The following ANKRD30A variants were observed in gnomAD, a reference collection of about 807,000 sequenced individuals.
ANKRD30A encodes the protein ankyrin repeat domain-containing protein 30A.
Under a neutral mutation model 166.3 loss-of-function variants are expected in ANKRD30A, and 170 were observed. That is an observed-to-expected ratio of 1.02 (90% confidence interval 0.90 to 1.16). ANKRD30A has a LOEUF of 1.16. Ranked by LOEUF, ANKRD30A falls within the 50% of genes most tolerant of loss-of-function variation. ANKRD30A has a pLI of 0.00. For synonymous variants in ANKRD30A, 564 were observed against 508.9 expected, an observed-to-expected ratio of 1.11 and a Z score of -1.46; for missense variants, 1,630 against 1,518.0, an observed-to-expected ratio of 1.07 and a Z score of -1.23.
chr10:37,260,419 G>A, the ANKRD30A span, among the ~76,000 whole-genome samples: 3 of 152,106 alleles, frequency 2.0e-5, no homozygotes, highest in African/African-American at 7.2e-5. Context: ...GTGGCCATAT[G>A]TCTTCCTGTT....
intron 16 of ANKRD30A, 30 bp downstream of exon 16, chr10:37,162,707 G>A (rs770253937): frequency 1.9e-6 from 3 of 1,612,952 alleles, no homozygotes; most frequent in Non-Finnish European, 2.5e-6. Flanking sequence ...CATTTTGAAT[G>A]ACTTATTATC....
intron 34 of ANKRD30A, among the ~76,000 whole-genome samples, chr10:37,229,737 G>A (rs1215032218): frequency 6.6e-6 from 1 of 151,720 alleles, no homozygotes; most frequent in East Asian, 1.9e-4. Flanking sequence ...TAATTATGCA[G>A]CTTATAATTA....
At chr10:37,196,533 C>G (rs868406710) in intron 27 of ANKRD30A, among the ~76,000 whole-genome samples, 3 of 151,878 alleles carry the variant, frequency 2.0e-5, no homozygotes, top group African/African-American at 4.8e-5. Context: ...ATTTATACTT[C>G]AAAAATAAGA....
chr10:37,150,833 A>T (rs1349491056), intron 11 of ANKRD30A, among the ~76,000 whole-genome samples: 1 of 152,144 alleles, frequency 6.6e-6, no homozygotes, highest in Non-Finnish European at 1.5e-5. Context: ...CTGATTTTTT[A>T]GGTATTAGAA....
At chr10:37,167,242 A>C (rs1323757644) in intron 19 of ANKRD30A, among the ~76,000 whole-genome samples, 1 of 148,116 alleles carries the variant, frequency 6.8e-6, no homozygotes. Flanking sequence ...GAATTGGACT[A>C]AACCTCAGTG....
chr10:37,256,529 C>G, the ANKRD30A span, among the ~76,000 whole-genome samples: 1 of 152,122 alleles, frequency 6.6e-6, no homozygotes, highest in African/African-American at 2.4e-5. Flanking sequence ...AAAGACAGAC[C>G]TTCTCTCTCC....
chr10:37,148,873 G>A (rs1837704077), intron 9 of ANKRD30A, among the ~76,000 whole-genome samples: 1 of 151,986 alleles, frequency 6.6e-6, no homozygotes, highest in South Asian at 2.1e-4. Context: ...CAGATGAATT[G>A]TAGGAGCTAA....
chr10:37,206,971 A>G (rs957668722), intron 31 of ANKRD30A, among the ~76,000 whole-genome samples: 6 of 151,886 alleles, frequency 4.0e-5, no homozygotes, highest in Non-Finnish European at 8.8e-5. Context: ...ATATTTAACA[A>G]TTAAGTTGTT....
chr10:37,141,981 A>T lies in ANKRD30A; in HGVS notation c.1084A>T (p.Thr362Ser), dbSNP rs1363468498. Reference protein sequence around the residue: ...QSAEETPREITSPAKETSEKF... With the variant: ...QSAEETPREISSPAKETSEKF... ...AGCAGAAGAAACACCTAGGGAAATT[A>T]CGAGTCCTGCAAAAGAAACATCTGA... The change falls in exon 7 of 36, where the codon ACG becomes TCG. Residue 362 changes from threonine (T) to serine (S), a missense_variant. Physicochemically the swap from Thr to Ser is moderately conservative, Grantham distance 58. Transcript: ENST00000361713. The T allele has an allele frequency of 1.2e-6, 2 of 1,614,072 alleles. No individual in the cohort carries two copies. The highest frequency in any genetic ancestry group is 3.3e-5 in the Admixed American group (2 of 59,992).
Position 37,219,537 on chromosome 10 carries a change from A to G in ANKRD30A, c.3825A>G (p.Arg1275=). 6.2e-7 allele frequency: 1 copy of G among 1,610,388 alleles called. No individual in the cohort carries two copies. Among genetic ancestry groups the G allele is most frequent in the Admixed American group, 1.7e-5 (1 of 59,608 alleles). The change falls in exon 34 of 36, where the codon AGA becomes AGG. Residue 1275 remains arginine (R), a synonymous_variant. Coordinates refer to ENST00000361713, the MANE Select transcript of ANKRD30A (RefSeq NM_052997.3). ...TCAATTATGCAGGAGATGCTCTAAG[A>G]GAAAATACATTGGTTTCAGAACATG... ...INLNYAGDAL[R]ENTLVSEHAQ...
the ANKRD30A span, among the ~76,000 whole-genome samples, chr10:37,249,997 A>G: frequency 6.6e-6 from 1 of 151,924 alleles, no homozygotes; most frequent in Non-Finnish European, 1.5e-5. Context: ...TTTGGAGAGG[A>G]GGGAGTGTGT....
intron 6 of ANKRD30A, among the ~76,000 whole-genome samples, chr10:37,140,563 A>T (rs1203705047): frequency 1.3e-5 from 2 of 152,190 alleles, no homozygotes; most frequent in Non-Finnish European, 2.9e-5. Flanking sequence ...ACCAAATAAG[A>T]TATATTTACT....
chr10:37,251,596 A>G, the ANKRD30A span, among the ~76,000 whole-genome samples: 1 of 152,162 alleles, frequency 6.6e-6, no homozygotes, highest in South Asian at 2.1e-4. Context: ...TACTGTGTGG[A>G]TCATGTCACA....
Position 37,162,656 on chromosome 10 carries a change from G to A in ANKRD30A, c.1908G>A (p.Pro636=), listed in dbSNP as rs12766878. 1.3e-5 allele frequency: 21 copies of A among 1,611,432 alleles called. No individual in the cohort carries two copies. Among genetic ancestry groups the A allele is most frequent in the Middle Eastern group, 2.1e-4 (1 of 4,852 alleles). The part of the protein sequence containing the change: ...KDMQTFKAEP[P]GKPSAFEPAT... Reference sequence around the variant, plus strand: ...ATCTCTTTTGCTTTTTAGAGCCTCCGGGGAAGCCATCTGCCTTCGAGGTAT... The same window carrying A: ...ATCTCTTTTGCTTTTTAGAGCCTCCAGGGAAGCCATCTGCCTTCGAGGTAT... Residue 636 remains proline (P), a synonymous_variant, in exon 16 of 36, where the codon CCG becomes CCA. Coordinates refer to ENST00000361713, the MANE Select transcript of ANKRD30A (RefSeq NM_052997.3).
At chr10:37,240,650 C>A in the ANKRD30A span, among the ~76,000 whole-genome samples, 1 of 152,140 alleles carries the variant, frequency 6.6e-6, no homozygotes, top group Non-Finnish European at 1.5e-5. Flanking sequence ...TTCCTCAGCT[C>A]CAGCTCTTGG....
chr10:37,211,755 G>A (rs543874695), intron 31 of ANKRD30A, among the ~76,000 whole-genome samples: 142 of 152,220 alleles, frequency 9.3e-4, no homozygotes, highest in Non-Finnish European at 1.9e-3. Flanking sequence ...CACCAACAGT[G>A]TAAAAGCATT....
intron 31 of ANKRD30A, among the ~76,000 whole-genome samples, chr10:37,202,455 A>G (rs1370032339): frequency 6.6e-6 from 1 of 152,230 alleles, no homozygotes; most frequent in Non-Finnish European, 1.5e-5. Flanking sequence ...CAAAGGCACC[A>G]CATACCAGAA....
In ANKRD30A at chr10:37,219,573, C is replaced by G. The variant is rs367660842; in HGVS notation, c.3861C>G (p.Asp1287Glu). 1.9e-6 allele frequency: 3 copies of G among 1,610,100 alleles called. No individual in the cohort carries two copies. Among genetic ancestry groups the G allele is most frequent in the Non-Finnish European group, 2.5e-6 (3 of 1,177,688 alleles). The change falls in exon 34 of 36, where the codon GAC becomes GAG. Residue 1287 changes from aspartate (D) to glutamate (E), a missense_variant. Transcript: ENST00000361713. ...NTLVSEHAQR[D>E]QRETQCQMKE... Reference sequence around the variant, plus strand: ...TGGTTTCAGAACATGCACAAAGAGACCAACGTGAAACACAGTGTCAAATGA... The same window carrying G: ...TGGTTTCAGAACATGCACAAAGAGAGCAACGTGAAACACAGTGTCAAATGA...
At chr10:37,243,481 A>G in the ANKRD30A span, among the ~76,000 whole-genome samples, 1 of 151,988 alleles carries the variant, frequency 6.6e-6, no homozygotes, top group African/African-American at 2.4e-5. Flanking sequence ...ATATCTGCTA[A>G]CAAGAGCACC....
Sources: gnomAD v4.1 joint callset for allele counts (sites outside exome capture counted in the v4.1 genomes callset) on GRCh38, gnomAD v4.1.1 for gene constraint, MANE v1.5 for transcripts, NCBI Gene and HGNC (gene_info 2026-07-23, HGNC 2026-07-21) for gene names.